The following LRIF1 variants were observed in gnomAD, a reference collection of about 807,000 sequenced individuals.
LRIF1 encodes ligand dependent nuclear receptor interacting factor 1.
Under a neutral mutation model 52.7 loss-of-function variants are expected in LRIF1, and 32 were observed. That is an observed-to-expected ratio of 0.61 (90% CI 0.46 to 0.82). The LOEUF is 0.82. Among genes scored for constraint, LRIF1 ranks in the 40% least tolerant of loss-of-function variants. The pLI is 0.00. For missense variants in LRIF1, 887 were observed against 892.0 expected (o/e 0.99, Z 0.07); for synonymous variants, 323 against 317.4 (o/e 1.02, Z -0.19).
the LRIF1 span, among the ~76,000 whole-genome samples, chr1:110,910,597 T>C: frequency 6.6e-6 from 1 of 152,002 alleles, no homozygotes; most frequent in Non-Finnish European, 1.5e-5. Flanking sequence ...TGAGACTCTG[T>C]CTCAAAAAAA....
At position 110,951,381 on chromosome 1, in the gene LRIF1, T is replaced by C. The variant is rs1301933557; in HGVS notation, c.1503A>G (p.Gly501=). The C allele has an allele frequency of 6.2e-7, 1 of 1,614,124 alleles. No homozygotes were observed. The highest frequency in any genetic ancestry group is 8.5e-7 in the Non-Finnish European group (1 of 1,179,988). Residue 501 remains glycine, a synonymous_variant, in exon 2 of 4, where the codon GGA becomes GGG. Coordinates refer to ENST00000369763, the MANE Select transcript of LRIF1 (RefSeq NM_018372.4). ...KVTAVIYARK[G]SVLQSIEKIS... ...TTTTCTCTATGCTCTGGAGGACACT[T>C]CCTTTTCTAGCATAAATGACGGCTG...
the LRIF1 span, chr1:110,940,688 T>C: frequency 6.6e-6 from 1 of 152,134 alleles, no homozygotes; most frequent in Non-Finnish European, 1.5e-5. Flanking sequence ...ACAACATGGA[T>C]GGAACTGGAG....
chr1:110,905,503 GA>G, the LRIF1 span, among the ~76,000 whole-genome samples: 1 of 151,638 alleles, frequency 6.6e-6, no homozygotes, highest in Non-Finnish European at 1.5e-5. Flanking sequence ...TGCTGAAGGA[GA>G]AAAACCTACC....
At chr1:110,894,905 C>T in the LRIF1 span, 1 of 1,365,182 alleles carries the variant, frequency 7.3e-7, no homozygotes, top group Non-Finnish European at 1.0e-6. Flanking sequence ...ATTCCTTATT[C>T]CTTGAACTCA....
the LRIF1 span, among the ~76,000 whole-genome samples, chr1:110,895,905 A>G: frequency 6.6e-6 from 1 of 152,194 alleles, no homozygotes; most frequent in Non-Finnish European, 1.5e-5. Context: ...CTAAATATAA[A>G]AGAACTTCTT....
intron 1 of LRIF1, among the ~76,000 whole-genome samples, chr1:110,959,800 A>C (rs1658872606): frequency 6.6e-6 from 1 of 151,782 alleles, no homozygotes; most frequent in African/African-American, 2.4e-5. Flanking sequence ...ACATATTGGT[A>C]ATGTTATATA....
Position 110,951,812 on chromosome 1 carries a change from C to T in LRIF1, c.1072G>A (p.Val358Ile). The change falls in exon 2 of 4, where the codon GTT becomes ATT. Residue 358 changes from valine (V) to isoleucine (I), a missense_variant. Transcript: ENST00000369763. Reference sequence around the variant, plus strand: ...AGATAGACTTTCCCATTAAACATAACCAAAGCATTATCTTTAATAGGCATA... The same window carrying T: ...AGATAGACTTTCCCATTAAACATAATCAAAGCATTATCTTTAATAGGCATA... ...KNMPIKDNAL[V>I]MFNGKVYLLA... 6.2e-7 allele frequency: 1 copy of T among 1,612,528 alleles called. No individual in the cohort carries two copies. The highest frequency in any genetic ancestry group is 8.5e-7 in the Non-Finnish European group (1 of 1,180,014).
chr1:110,952,474 C>T lies in LRIF1; in HGVS notation c.410G>A (p.Ser137Asn). The T allele has an allele frequency of 6.2e-7, 1 of 1,613,232 alleles. No homozygotes were observed. Among genetic ancestry groups the T allele is most frequent in the Non-Finnish European group, 8.5e-7 (1 of 1,179,254 alleles). Residue 137 changes from serine to asparagine, a missense_variant, in exon 2 of 4, where the codon AGT becomes AAT. Transcript: ENST00000369763. ...GAGTCCATCAATTTTCACACCATGA[C>T]TCTGAACTTTAGAAACTGATGAAGA... ...NFSSSVSKVQ[S>N]HGVKIDGLTM...
chr1:110,950,726 C>T (rs1295495273), intron 2 of LRIF1, among the ~76,000 whole-genome samples: 1 of 149,516 alleles, frequency 6.7e-6, no homozygotes, highest in Non-Finnish European at 1.5e-5. Flanking sequence ...AATTTGTCTA[C>T]CAAAAAAAAA....
the LRIF1 span, among the ~76,000 whole-genome samples, chr1:110,928,683 G>C: frequency 3.0e-4 from 45 of 152,126 alleles, no homozygotes; most frequent in Non-Finnish European, 4.3e-4. Flanking sequence ...CAGGGAGCAG[G>C]CCATGCAGCT....
chr1:110,951,316 T>A lies in LRIF1; in HGVS notation c.1568A>T (p.Gln523Leu), dbSNP rs764468580. 2.5e-5 allele frequency: 40 copies of A among 1,613,414 alleles called. No individual in the cohort carries two copies. Among genetic ancestry groups the A allele is most frequent in the East Asian group, 1.6e-4 (7 of 44,872 alleles). Residue 523 changes from glutamine to leucine, a missense_variant, in exon 2 of 4, where the codon CAG (glutamine) becomes CTG (leucine). Gln to Leu is a moderately radical substitution (Grantham distance 113). Transcript: ENST00000369763. ...SVDATTVTSQQCVFRDQEPKI... is the reference protein window; with the variant it reads ...SVDATTVTSQLCVFRDQEPKI... ...TGGTTCTTGGTCTCTGAAAACACAC[T>A]GTTGTGAAGTAACAGTTGTTGCATC... is the stretch of plus-strand genomic sequence containing the variant.
At chr1:110,898,373 T>A in the LRIF1 span, among the ~76,000 whole-genome samples, 1 of 103,640 alleles carries the variant, frequency 9.6e-6, no homozygotes, top group African/African-American at 3.1e-5. Context: ...CGAGACTCTG[T>A]CTCCAGAAAA....
chr1:110,949,789 AAAGT>A, intron 3 of LRIF1, 58 bp downstream of exon 3: 9 of 1,508,870 alleles, frequency 6.0e-6, no homozygotes, highest in South Asian at 1.3e-5. Flanking sequence ...CAAATCAAGA[AAAGT>A]AATATTCATG....
At chr1:110,891,399 A>G in the LRIF1 span, 1 of 1,611,126 alleles carries the variant, frequency 6.2e-7, no homozygotes, top group Non-Finnish European at 8.5e-7. Context: ...TAGGGCAAGA[A>G]TATCACGGCA....
At chr1:110,881,431 C>A in the LRIF1 span, among the ~76,000 whole-genome samples, 11 of 152,198 alleles carry the variant, frequency 7.2e-5, no homozygotes, top group Non-Finnish European at 1.3e-4. Context: ...AGGGTAACAA[C>A]AGTTCATTCT....
the LRIF1 span, among the ~76,000 whole-genome samples, chr1:110,917,520 A>G: frequency 3.3e-5 from 5 of 152,228 alleles, no homozygotes; most frequent in South Asian, 1.0e-3. Flanking sequence ...TCTGTCTTCA[A>G]CTCATTTATT....
At chr1:110,894,548 T>TG in the LRIF1 span, 12 of 611,654 alleles carry the variant, frequency 2.0e-5, no homozygotes, top group Middle Eastern at 4.3e-4. Context: ...TAATTGTAAT[T>TG]GGGGGGAAAA....
chr1:110,899,960 C>T, the LRIF1 span: 139 of 152,738 alleles, frequency 9.1e-4, no homozygotes, highest in Middle Eastern at 3.4e-3. Flanking sequence ...CCTTCCATGA[C>T]CCAGCCTGAT....
In LRIF1 at chr1:110,951,695, G is replaced by GT; in HGVS notation, c.1188dup (p.Gln397ThrfsTer22). 6.2e-7 allele frequency: 1 copy of GT among 1,614,028 alleles called. No individual in the cohort carries two copies. The highest frequency in any genetic ancestry group is 8.5e-7 in the Non-Finnish European group (1 of 1,180,030). On this transcript the variant is annotated frameshift_variant, in exon 2 of 4. Coordinates refer to ENST00000369763, the MANE Select transcript of LRIF1 (RefSeq NM_018372.4). LOFTEE classifies it high-confidence loss of function. ...GTGACTGGACTTGAACTCACTGTCT[G>GT]TAACGTGTCTTTTCTTACTGGAGTA...
Sources: allele counts gnomAD v4.1 joint callset (sites outside exome capture counted in the v4.1 genomes callset), GRCh38; gene constraint gnomAD v4.1.1; transcripts MANE v1.5; gene names NCBI Gene and HGNC (gene_info 2026-07-23, HGNC 2026-07-21).